UNKL: variants seen among roughly 807,000 people sequenced by gnomAD.
UNKL encodes unk like zinc finger.
Under a neutral mutation model 78.0 loss-of-function variants are expected in UNKL, and 60 were observed. That is an observed-to-expected ratio of 0.77 (90% CI 0.63 to 0.95). The LOEUF (loss-of-function observed/expected upper bound fraction) is 0.95, where lower values mean the gene tolerates loss of function less well. UNKL is among the 40% of genes least tolerant of loss of function. The pLI, the probability that UNKL is intolerant of heterozygous loss-of-function variation, is 0.00. For synonymous variants in UNKL, 608 were observed against 474.8 expected (o/e 1.28, Z -3.65); for missense variants, 1,159 against 1,045.7 (o/e 1.11, Z -1.49).
intron 2 of UNKL, chr16:1,405,893 AG>A: frequency 2.2e-6 from 1 of 454,596 alleles, no homozygotes; most frequent in South Asian, 1.6e-5. Context: ...CCCTTCCCTC[AG>A]GAAGCTCTCA....
At chr16:1,370,944 G>A (rs547176949) in intron 11 of UNKL, among the ~76,000 whole-genome samples, 19 of 152,140 alleles carry the variant, frequency 1.2e-4, no homozygotes, top group Middle Eastern at 3.4e-3. Context: ...TTAGCTGGGC[G>A]TGGTGGCGGG....
At chr16:1,409,254 G>C (rs2037925766) in intron 2 of UNKL, among the ~76,000 whole-genome samples, 1 of 152,194 alleles carries the variant, frequency 6.6e-6, no homozygotes, top group East Asian at 1.9e-4. Flanking sequence ...GAAAAGGAAG[G>C]CCCTGTCCTT....
Position 1,387,191 on chromosome 16 carries a change from C to G in UNKL, c.1087-1806G>C, listed in dbSNP as rs977619523. Among the ~76,000 whole-genome samples the G allele has an allele frequency of 1.3e-5, 2 of 151,556 alleles. No individual in the cohort carries two copies. Among genetic ancestry groups the G allele is most frequent in the African/African-American group, 4.9e-5 (2 of 41,032 alleles). Reference sequence around the variant, plus strand: ...AGCACCGGGGACCCTCCCAGCCATGCAACACCGGGGACACTCCCAGCCATG... The same window carrying G: ...AGCACCGGGGACCCTCCCAGCCATGGAACACCGGGGACACTCCCAGCCATG... On this transcript the variant is annotated intron_variant, in intron 9 of 14. Transcript: ENST00000389221. This position sits in a 1 kb window ranked among gnomAD's most constrained non-coding sequence, Gnocchi z 4.1.
intron 9 of UNKL, among the ~76,000 whole-genome samples, chr16:1,386,282 G>A (rs573773016): frequency 1.3e-5 from 2 of 152,162 alleles, no homozygotes; most frequent in Non-Finnish European, 2.9e-5. Context: ...GCCGGGCGCG[G>A]TGGCTCACAC....
intron 12 of UNKL, among the ~76,000 whole-genome samples, chr16:1,368,572 G>A (rs984087896): frequency 6.8e-5 from 8 of 118,374 alleles, no homozygotes; most frequent in Admixed American, 4.8e-4. Context: ...ACTGCAGTCC[G>A]CAGTCCGGCC....
chr16:1,379,762 GCC>G, intron 10 of UNKL: 1 of 867,964 alleles, frequency 1.2e-6, no homozygotes, highest in Non-Finnish European at 1.4e-6. Context: ...CACTGGCCAC[GCC>G]CCCCGCGCTG....
Position 1,399,542 on chromosome 16 carries a change from G to A in UNKL, c.599-33C>T, listed in dbSNP as rs571795477. 165 of 1,568,876 alleles carry A rather than the reference G, an allele frequency of 1.1e-4. 3 individuals are homozygous for A. The South Asian group carries it at 1.5e-3, about 14-fold the overall frequency. On this transcript the variant is annotated intron_variant, in intron 4 of 14. Coordinates refer to ENST00000389221, the MANE Select transcript of UNKL (RefSeq NM_001372107.1). This position sits in a 1 kb window ranked among gnomAD's most constrained non-coding sequence, Gnocchi z 5.8. ...ATGGGCCACACGGTGCCTGAGCAGC[G>A]CGACTGGAAGCAATGCTGGGCAGAG...
intron 10 of UNKL, chr16:1,383,632 T>G (rs1323882365): frequency 4.8e-6 from 2 of 413,630 alleles, no homozygotes; most frequent in East Asian, 7.3e-5. Context: ...GTCTAGGAGT[T>G]GCTGGGGGCT....
At chr16:1,413,666 G>A (rs2038149371) in intron 2 of UNKL, among the ~76,000 whole-genome samples, 180 bp downstream of exon 2, 2 of 152,250 alleles carry the variant, frequency 1.3e-5, no homozygotes, top group Non-Finnish European at 2.9e-5. Flanking sequence ...GAACTGGCCT[G>A]AGAATAGGAA....
intron 2 of UNKL, 87 bp downstream of exon 2, chr16:1,413,759 A>C: frequency 7.3e-7 from 1 of 1,373,870 alleles, no homozygotes; most frequent in Non-Finnish European, 9.7e-7. Context: ...ATGGACACTA[A>C]GGCGTCCGCT....
intron 10 of UNKL, among the ~76,000 whole-genome samples, chr16:1,382,806 A>G (rs1596700966): frequency 6.6e-6 from 1 of 151,988 alleles, no homozygotes; most frequent in East Asian, 1.9e-4. Flanking sequence ...AAAAACACAA[A>G]AAACGGCCAG....
chr16:1,382,734 G>A (rs2142076092), intron 10 of UNKL, among the ~76,000 whole-genome samples: 1 of 152,086 alleles, frequency 6.6e-6, no homozygotes, highest in African/African-American at 2.4e-5. Flanking sequence ...GAGTTGGGAG[G>A]ATCACCTGAG....
Position 1,366,195 on chromosome 16 carries a change from G to A in UNKL, c.*45C>T, listed in dbSNP as rs758601674. On this transcript the variant is annotated 3_prime_UTR_variant, in exon 15 of 15. Transcript: ENST00000389221. ...CGACATGTCCGTGGTCAGGAGGAGC[G>A]CTGGAGCCAGGGTGCCCAGCAGGAG... 291 of 1,457,642 alleles carry A rather than the reference G, an allele frequency of 2.0e-4. 4 individuals carry two copies. Among genetic ancestry groups the A allele is most frequent in the South Asian group, 1.2e-3 (87 of 72,510 alleles). The allele number at this position is 1,457,642 out of a possible 1,614,324, so 90.3% of individuals were successfully genotyped here.
Position 1,399,352 on chromosome 16 carries a change from G to A in UNKL, c.734+22C>T, listed in dbSNP as rs2037412607. ...GGACGCCCACCAGCCGGAGTCCTCT[G>A]AGCACGGTCCCGCAGGCTCACCTGT... On this transcript the variant is annotated intron_variant, in intron 5 of 14. Transcript: ENST00000389221. The surrounding 1 kb of genome is among the most constrained non-coding windows in gnomAD (Gnocchi z 5.8). The A allele has an allele frequency of 3.2e-6, 5 of 1,562,018 alleles. No homozygotes were observed. Among genetic ancestry groups the A allele is most frequent in the African/African-American group, 1.4e-5 (1 of 73,462 alleles).
Position 1,403,357 on chromosome 16 carries a change from G to A in UNKL, c.288-13C>T, listed in dbSNP as rs2037615753. The A allele has an allele frequency of 6.2e-7, 1 of 1,613,192 alleles. No individual in the cohort carries two copies. ...CAGGTAGGGACACCTGGGGAGCAGAGAGGCACGCAATGCCTGGTTATCATG... is the reference window on the plus strand; with the variant it reads ...CAGGTAGGGACACCTGGGGAGCAGAAAGGCACGCAATGCCTGGTTATCATG... On this transcript the variant is annotated splice_polypyrimidine_tract_variant and intron_variant, in intron 2 of 14. Transcript: ENST00000389221. This position sits in a 1 kb window ranked among gnomAD's most constrained non-coding sequence, Gnocchi z 4.8.
intron 11 of UNKL, 136 bp from the exon 12 acceptor site, chr16:1,370,493 A>C: frequency 1.5e-6 from 2 of 1,349,942 alleles, no homozygotes; most frequent in South Asian, 2.9e-5. Context: ...TATAGGGGCC[A>C]GGCCAGCCAC....
chr16:1,372,879 G>C (rs2064292), intron 10 of UNKL, among the ~76,000 whole-genome samples: 26,141 of 37,894 alleles, frequency 0.69, 10,461 homozygotes, highest in East Asian at 0.99. Context: ...CAGCAGCGTG[G>C]AGCACACCAC....
chr16:1,380,266 G>A (rs2036551128), intron 10 of UNKL, among the ~76,000 whole-genome samples: 1 of 152,106 alleles, frequency 6.6e-6, no homozygotes, highest in South Asian at 2.1e-4. Flanking sequence ...ACAACCTGAA[G>A]GAAACTGTAC....
In UNKL at chr16:1,366,384, C is replaced by T. The variant is rs1216482710; in HGVS notation, c.2058G>A (p.Gln686=). The change falls in exon 15 of 15, where the codon CAG becomes CAA. Residue 686 remains glutamine, a synonymous_variant. Transcript: ENST00000389221. ...AGGCCACACACTGCTTGGCGCGGAG[C>T]TGGAAGATCACCTGCAGGGCCAGAA... ...DLEAVDGVIF[Q]LRAKQCVACR... 27 of 1,592,756 alleles carry T rather than the reference C, an allele frequency of 1.7e-5. No individual in the cohort carries two copies. Among genetic ancestry groups the T allele is most frequent in the Non-Finnish European group, 2.3e-5 (27 of 1,167,268 alleles).
Sources: gnomAD v4.1 joint callset for allele counts (sites outside exome capture counted in the v4.1 genomes callset) on GRCh38, gnomAD v4.1.1 for gene constraint, Gnocchi (gnomAD v3.1) non-coding constraint, MANE v1.5 for transcripts, NCBI Gene and HGNC (gene_info 2026-07-23, HGNC 2026-07-21) for gene names.